Variants in SLC35G3 observed in about 807,000 individuals in gnomAD.
SLC35G3 encodes the protein solute carrier family 35 member G3.
In SLC35G3, 10 loss-of-function variants were observed where a neutral mutation model predicts 17.9. That is an observed-to-expected ratio of 0.56 (90% CI 0.34 to 0.95). SLC35G3 has a LOEUF of 0.95. Ranked by LOEUF, SLC35G3 falls within the 40% of genes least tolerant of loss-of-function variation. SLC35G3 has a pLI of 0.02. For synonymous variants in SLC35G3, 208 were observed against 197.7 expected, an observed-to-expected ratio of 1.05 and a Z score of -0.44; for missense variants, 384 against 433.6, an observed-to-expected ratio of 0.89 and a Z score of 1.02.
In SLC35G3 at chr17:35,193,270, C is replaced by T. The variant is rs376546467; in HGVS notation, c.*21G>A. 6 of 1,611,836 alleles carry T rather than the reference C, an allele frequency of 3.7e-6. No homozygotes were observed. Among genetic ancestry groups the T allele is most frequent in the East Asian group, 4.5e-5 (2 of 44,892 alleles). The stretch of plus-strand genomic sequence containing the variant: ...TTATTTATCCCTGTCCCTCCCAACC[C>T]CCGGGCTCCCAAGTTCTATCTCACT... On this transcript the variant is annotated 3_prime_UTR_variant, in exon 1 of 1. Coordinates refer to ENST00000297307, the MANE Select transcript of SLC35G3 (RefSeq NM_152462.2).
Position 35,193,949 on chromosome 17 carries a change from C to T in SLC35G3, c.359G>A (p.Ser120Asn), listed in dbSNP as rs778021591. The stretch of plus-strand genomic sequence containing the variant: ...GCCAGCGGGCACCACCTGAACCGCA[C>T]TGTAGGCACATCCAATGCTGAGGAT... Reference protein sequence around the residue: ...LNILSIGCAYSAVQVVPAGNA... With the variant: ...LNILSIGCAYNAVQVVPAGNA... Residue 120 changes from serine to asparagine, a missense_variant, in exon 1 of 1, where the codon AGT becomes AAT. By Grantham distance (46) the Ser-to-Asn change is conservative. Transcript: ENST00000297307. 12 of 1,614,044 alleles carry T rather than the reference C, an allele frequency of 7.4e-6. No homozygotes were observed. Among genetic ancestry groups the T allele is most frequent in the South Asian group, 2.2e-5 (2 of 91,080 alleles).
chr17:35,193,035 C>A lies in SLC35G3; in HGVS notation c.*256G>T. On this transcript the variant is annotated 3_prime_UTR_variant, in exon 1 of 1. Transcript: ENST00000297307. ...GCCTCCCTGCCTCAGCCCTTTGGAT[C>A]TGCTCCTCAGACTTTACCCCTTAGT... The A allele has an allele frequency of 4.6e-6, 3 of 648,204 alleles. No individual in the cohort carries two copies. The highest frequency in any genetic ancestry group is 7.7e-6 in the Non-Finnish European group (3 of 388,840). 40.2% of individuals were successfully genotyped at this position (648,204 alleles called of 1,614,324 possible).
rs750798694 is a variant in SLC35G3 at position 35,193,272 on chromosome 17, C to G, written c.*19G>C. ...ATTTATCCCTGTCCCTCCCAACCCCCGGGCTCCCAAGTTCTATCTCACTCC... is the reference window on the plus strand; with the variant it reads ...ATTTATCCCTGTCCCTCCCAACCCCGGGGCTCCCAAGTTCTATCTCACTCC... On this transcript the variant is annotated 3_prime_UTR_variant, in exon 1 of 1. Coordinates refer to ENST00000297307, the MANE Select transcript of SLC35G3 (RefSeq NM_152462.2). The G allele has an allele frequency of 1.9e-5, 31 of 1,611,796 alleles. No individual in the cohort carries two copies. Among genetic ancestry groups the G allele is most frequent in the Non-Finnish European group, 2.5e-5 (30 of 1,179,806 alleles).
rs371777202 is a variant in SLC35G3 at position 35,193,267 on chromosome 17, A to G, written c.*24T>C. ...CCTTTATTTATCCCTGTCCCTCCCA[A>G]CCCCCGGGCTCCCAAGTTCTATCTC... On this transcript the variant is annotated 3_prime_UTR_variant, in exon 1 of 1. Coordinates refer to ENST00000297307, the MANE Select transcript of SLC35G3 (RefSeq NM_152462.2). The G allele has an allele frequency of 6.2e-7, 1 of 1,610,088 alleles. No homozygotes were observed. Among genetic ancestry groups the G allele is most frequent in the Non-Finnish European group, 8.5e-7 (1 of 1,179,396 alleles).
Position 35,194,227 on chromosome 17 carries a change from C to T in SLC35G3, c.81G>A (p.Trp27Ter). The change falls in exon 1 of 1, where the codon TGG (tryptophan) becomes TGA (stop). Residue 27 changes from tryptophan (W) to a stop codon, truncating the protein, a stop_gained. Transcript: ENST00000297307. LOFTEE classifies it high-confidence loss of function. ...SPPSAPPSLR[W>*]YQRCQPSDAT... ...CATCAGAGGGCTGGCAGCGCTGGTA[C>T]CAGCGGAGGCTGGGTGGAGCGGAGG... 1 of 1,613,860 alleles carries T rather than the reference C, an allele frequency of 6.2e-7. No homozygotes were observed. The highest frequency in any genetic ancestry group is 8.5e-7 in the Non-Finnish European group (1 of 1,179,956).
chr17:35,193,448 T>A lies in SLC35G3; in HGVS notation c.860A>T (p.His287Leu). 6.2e-7 allele frequency: 1 copy of A among 1,612,014 alleles called. No homozygotes were observed. Among genetic ancestry groups the A allele is most frequent in the South Asian group, 1.1e-5 (1 of 90,988 alleles). Residue 287 changes from histidine to leucine, a missense_variant, in exon 1 of 1, where the codon CAT becomes CTT. Coordinates refer to ENST00000297307, the MANE Select transcript of SLC35G3 (RefSeq NM_152462.2). ...AHPALVCAVLHSEVVVALILQ... is the reference protein window; with the variant it reads ...AHPALVCAVLLSEVVVALILQ... ...TATAAGGGCCACAACCACCTCGGAATGTAGGACAGCGCACACCAGGGCAGG... is the reference window on the plus strand; with the variant it reads ...TATAAGGGCCACAACCACCTCGGAAAGTAGGACAGCGCACACCAGGGCAGG...
rs1351148888 is a variant in SLC35G3 at position 35,193,658 on chromosome 17, G to C, written c.650C>G (p.Pro217Arg). ...LLVYRSLHFPPCLPTVAFLSG... is the reference protein window; with the variant it reads ...LLVYRSLHFPRCLPTVAFLSG... ...TAGGAAGGCCACTGTTGGGAGGCAG[G>C]GGGGAAAGTGCAGAGAACGATAGAC... Residue 217 changes from proline to arginine, a missense_variant, in exon 1 of 1, where the codon CCC becomes CGC. Physicochemically the swap from Pro to Arg is moderately radical, Grantham distance 103 (BLOSUM62 -2). Transcript: ENST00000297307. The C allele has an allele frequency of 8.7e-6, 14 of 1,611,912 alleles. No homozygotes were observed. The highest frequency in any genetic ancestry group is 5.3e-5 in the African/African-American group (4 of 74,852).
chr17:35,193,425 T>C lies in SLC35G3; in HGVS notation c.883A>G (p.Ile295Val), dbSNP rs752734602. The C allele has an allele frequency of 6.2e-7, 1 of 1,611,914 alleles. No individual in the cohort carries two copies. The highest frequency in any genetic ancestry group is 1.7e-5 in the Admixed American group (1 of 60,014). Reference protein sequence around the residue: ...VLHSEVVVALILQYYMLHETV... With the variant: ...VLHSEVVVALVLQYYMLHETV... The stretch of plus-strand genomic sequence containing the variant: ...TCATGGAGCATATAATACTGCAGTA[T>C]AAGGGCCACAACCACCTCGGAATGT... Residue 295 changes from isoleucine (I) to valine (V), a missense_variant, in exon 1 of 1, where the codon ATA (isoleucine) becomes GTA (valine). Physicochemically the swap from Ile to Val is conservative, Grantham distance 29. Transcript: ENST00000297307.
chr17:35,193,280 C>G lies in SLC35G3; in HGVS notation c.*11G>C. 1 of 1,611,868 alleles carries G rather than the reference C, an allele frequency of 6.2e-7. No homozygotes were observed. The highest frequency in any genetic ancestry group is 8.5e-7 in the Non-Finnish European group (1 of 1,179,846). Reference sequence around the variant, plus strand: ...CTGTCCCTCCCAACCCCCGGGCTCCCAAGTTCTATCTCACTCCTCCACCCT... The same window carrying G: ...CTGTCCCTCCCAACCCCCGGGCTCCGAAGTTCTATCTCACTCCTCCACCCT... On this transcript the variant is annotated 3_prime_UTR_variant, in exon 1 of 1. Coordinates refer to ENST00000297307, the MANE Select transcript of SLC35G3 (RefSeq NM_152462.2).
Position 35,194,197 on chromosome 17 carries a change from G to T in SLC35G3, c.111C>A (p.Thr37=), listed in dbSNP as rs765430896. ...CCAGCAGGGCCACCAGCAGGCCACT[G>T]GTGGCATCAGAGGGCTGGCAGCGCT... ...WYQRCQPSDA[T]SGLLVALLGG... is the part of the protein sequence containing the mutation. Residue 37 remains threonine (T), a synonymous_variant, in exon 1 of 1, where the codon ACC becomes ACA. Transcript: ENST00000297307. The T allele has an allele frequency of 1.2e-6, 2 of 1,613,722 alleles. No homozygotes were observed. The highest frequency in any genetic ancestry group is 1.7e-6 in the Non-Finnish European group (2 of 1,179,986).
At position 35,193,757 on chromosome 17, in the gene SLC35G3, G is replaced by T. The variant is rs760612379; in HGVS notation, c.551C>A (p.Thr184Asn). The T allele has an allele frequency of 6.8e-6, 11 of 1,612,492 alleles. No individual in the cohort carries two copies. The highest frequency in any genetic ancestry group is 2.7e-5 in the African/African-American group (2 of 74,920). Residue 184 changes from threonine to asparagine, a missense_variant, in exon 1 of 1, where the codon ACC (threonine) becomes AAC (asparagine). Physicochemically the swap from Thr to Asn is moderately conservative, Grantham distance 65 (BLOSUM62 0). Coordinates refer to ENST00000297307, the MANE Select transcript of SLC35G3 (RefSeq NM_152462.2). Reference protein sequence around the residue: ...GPGLWTLQEGTTGVYTALGYV... With the variant: ...GPGLWTLQEGNTGVYTALGYV... ...GCCCAGGGCGGTGTAGACACCCGTG[G>T]TCCCCTCCTGTAGTGTCCAGAGTCC...
Position 35,192,702 on chromosome 17 carries a change from T to A in SLC35G3, c.*589A>T, listed in dbSNP as rs971003690. ...TTACAAAAAATCATTTACAAAGAAG[T>A]GACTGCATATGATAAAATATTTGTG... On this transcript the variant is annotated 3_prime_UTR_variant, in exon 1 of 1. Transcript: ENST00000297307. The A allele has an allele frequency of 1.2e-5, 2 of 162,600 alleles. No homozygotes were observed. The highest frequency in any genetic ancestry group is 4.8e-5 in the African/African-American group (2 of 41,488). 10.1% of individuals were successfully genotyped at this position (162,600 alleles called of 1,614,324 possible).
In SLC35G3 at chr17:35,193,708, G is replaced by C. The variant is rs147862619; in HGVS notation, c.600C>G (p.Gly200=). The C allele has an allele frequency of 6.2e-7, 1 of 1,612,042 alleles. No individual in the cohort carries two copies. Among genetic ancestry groups the C allele is most frequent in the Non-Finnish European group, 8.5e-7 (1 of 1,179,844 alleles). ...CCAGAAGCCTCAGGGACAGCGCCAG[G>C]CCTCCCAGGAAAGCCTCCACATAGC... The part of the protein sequence containing the change: ...ALGYVEAFLG[G]LALSLRLLVY... Residue 200 remains glycine, a synonymous_variant, in exon 1 of 1, where the codon GGC becomes GGG. Transcript: ENST00000297307.
In SLC35G3 at chr17:35,193,946, G is replaced by T. The variant is rs8079507; in HGVS notation, c.362C>A (p.Ala121Glu). The T allele has an allele frequency of 3.1e-6, 5 of 1,613,832 alleles. No homozygotes were observed. In the East Asian group the frequency reaches 8.9e-5, roughly 29 times the overall value. Residue 121 changes from alanine to glutamate, a missense_variant, in exon 1 of 1, where the codon GCG (alanine) becomes GAG (glutamate). Ala to Glu is a moderately radical substitution (Grantham distance 107). Transcript: ENST00000297307. ...GTTGCCAGCGGGCACCACCTGAACC[G>T]CACTGTAGGCACATCCAATGCTGAG... ...NILSIGCAYSAVQVVPAGNAA... is the reference protein window; with the variant it reads ...NILSIGCAYSEVQVVPAGNAA...
chr17:35,193,975 G>C lies in SLC35G3; in HGVS notation c.333C>G (p.Asn111Lys). The change falls in exon 1 of 1, where the codon AAC becomes AAG. Residue 111 changes from asparagine (N) to lysine (K), a missense_variant. By Grantham distance (94) the Asn-to-Lys change is moderately conservative. Coordinates refer to ENST00000297307, the MANE Select transcript of SLC35G3 (RefSeq NM_152462.2). The stretch of plus-strand genomic sequence containing the variant: ...TGTAGGCACATCCAATGCTGAGGAT[G>C]TTGAGCAGGGCACAGAAGAAGGCCC... ...RSRAFFCALL[N>K]ILSIGCAYSA... The C allele has an allele frequency of 6.2e-7, 1 of 1,614,038 alleles. No homozygotes were observed. The highest frequency in any genetic ancestry group is 1.3e-5 in the African/African-American group (1 of 75,066).
chr17:35,193,138 C>A lies in SLC35G3; in HGVS notation c.*153G>T. ...TGGCCCCAGGTCTTCCACGTAGTCC[C>A]TCTCCACCAAGTCCCCAAGTCACCC... On this transcript the variant is annotated 3_prime_UTR_variant, in exon 1 of 1. Transcript: ENST00000297307. The A allele has an allele frequency of 7.0e-7, 1 of 1,425,368 alleles. No homozygotes were observed. Among genetic ancestry groups the A allele is most frequent in the Non-Finnish European group, 9.5e-7 (1 of 1,050,820 alleles). The allele number at this position is 1,425,368 out of a possible 1,614,324, so 88.3% of individuals were successfully genotyped here. A position where few individuals can be genotyped will look rare whatever the true frequency, so the allele number is the denominator to read the frequency against.
chr17:35,194,118 C>T lies in SLC35G3; in HGVS notation c.190G>A (p.Ala64Thr). The change falls in exon 1 of 1, where the codon GCT (alanine) becomes ACT (threonine). Residue 64 changes from alanine to threonine, a missense_variant. Physicochemically the swap from Ala to Thr is moderately conservative, Grantham distance 58 (BLOSUM62 0). Coordinates refer to ENST00000297307, the MANE Select transcript of SLC35G3 (RefSeq NM_152462.2). Reference protein sequence around the residue: ...VGPLSRMAYQASNLPSLELLI... With the variant: ...VGPLSRMAYQTSNLPSLELLI... ...AGCTCCAGCGAGGGCAGGTTGGAAG[C>T]CTGGTAAGCCATACGAGAAAGGGGG... is the stretch of plus-strand genomic sequence containing the variant. 3.1e-6 allele frequency: 5 copies of T among 1,613,886 alleles called. No individual in the cohort carries two copies. The highest frequency in any genetic ancestry group is 1.1e-5 in the South Asian group (1 of 91,074).
Position 35,192,964 on chromosome 17 carries a change from A to G in SLC35G3, c.*327T>C, listed in dbSNP as rs1005944921. On this transcript the variant is annotated 3_prime_UTR_variant, in exon 1 of 1. Coordinates refer to ENST00000297307, the MANE Select transcript of SLC35G3 (RefSeq NM_152462.2). The stretch of plus-strand genomic sequence containing the variant: ...TCTTTGCCGGAACACTCCAGCCCCA[A>G]TGCTCTTCTCTTTGCTGCTGAGTGA... 3.2e-5 allele frequency: 14 copies of G among 443,222 alleles called. No homozygotes were observed. Among genetic ancestry groups the G allele is most frequent in the Non-Finnish European group, 5.4e-5 (13 of 239,942 alleles). The allele number at this position is 443,222 out of a possible 1,614,324, so 27.5% of individuals were successfully genotyped here.
chr17:35,193,534 T>G lies in SLC35G3; in HGVS notation c.774A>C (p.Ala258=). ...AGGAGACCAAGGCGAGGATCCCCAC[T>G]GCCCCCACACAACTCCAACTCAGGA... ...SDLLSWSCVG[A]VGILALVSFT... The change falls in exon 1 of 1, where the codon GCA becomes GCC. Residue 258 remains alanine, a synonymous_variant. Coordinates refer to ENST00000297307, the MANE Select transcript of SLC35G3 (RefSeq NM_152462.2). The G allele has an allele frequency of 6.2e-7, 1 of 1,611,958 alleles. No individual in the cohort carries two copies. The highest frequency in any genetic ancestry group is 2.3e-4 in the Middle Eastern group (1 of 4,430).
Sources: allele counts gnomAD v4.1 joint callset, GRCh38; gene constraint gnomAD v4.1.1; transcripts MANE v1.5; gene names NCBI Gene and HGNC (gene_info 2026-07-23, HGNC 2026-07-21).